The following DAB1 variants were observed in gnomAD, a reference collection of about 807,000 sequenced individuals.
DAB1 encodes DAB adaptor protein 1.
In DAB1, 15 loss-of-function variants were observed where a neutral mutation model predicts 64.6. That is an observed-to-expected ratio of 0.23 (90% CI 0.16 to 0.36). The LOEUF is 0.36. DAB1 is among the 10% of genes least tolerant of loss of function. DAB1 has a pLI of 1.00. For missense variants in DAB1, 596 were observed against 706.7 expected (o/e 0.84, Z 1.78); for synonymous variants, 235 against 251.9 (o/e 0.93, Z 0.64).
At chr1:57,580,214 C>G (rs1306104485) in intron 7 of DAB1, among the ~76,000 whole-genome samples, 1 of 152,138 alleles carries the variant, frequency 6.6e-6, no homozygotes, top group Non-Finnish European at 1.5e-5. Flanking sequence ...AGAAGGAAAA[C>G]TGAGCAGCTT....
intron 9 of DAB1, chr1:57,033,670 T>A: frequency 3.3e-6 from 4 of 1,226,166 alleles, no homozygotes; most frequent in Non-Finnish European, 4.7e-6. Context: ...TGGTTCACAC[T>A]TCCGTGGTCT....
intron 5 of DAB1, among the ~76,000 whole-genome samples, chr1:58,113,566 G>A (rs1293441465): frequency 6.6e-6 from 1 of 152,114 alleles, no homozygotes; most frequent in Non-Finnish European, 1.5e-5. Flanking sequence ...ATGAGTGTGG[G>A]CATGTGTTTG....
intron 4 of DAB1, among the ~76,000 whole-genome samples, chr1:57,075,685 A>G (rs1218760687): frequency 2.0e-5 from 3 of 152,346 alleles, no homozygotes; most frequent in Non-Finnish European, 4.4e-5. Flanking sequence ...ACAATCAAAG[A>G]CAGTTGGAAT....
At chr1:57,038,633 A>G (rs1647313288) in intron 9 of DAB1, among the ~76,000 whole-genome samples, 1 of 152,144 alleles carries the variant, frequency 6.6e-6, no homozygotes, top group Non-Finnish European at 1.5e-5. Flanking sequence ...ATTCAGGAGG[A>G]TCCCAAAGGT....
chr1:57,998,612 CCTTGGT>C (rs1201300219), intron 5 of DAB1, among the ~76,000 whole-genome samples: 6 of 152,142 alleles, frequency 3.9e-5, no homozygotes, highest in Non-Finnish European at 8.8e-5. Context: ...GATCCACCTG[CCTTGGT>C]CTCCCAAAGT....
chr1:57,669,202 GAGAA>G (rs1273575067), intron 6 of DAB1, among the ~76,000 whole-genome samples: 1 of 152,100 alleles, frequency 6.6e-6, no homozygotes, highest in Non-Finnish European at 1.5e-5. Flanking sequence ...AAAAAGTGCT[GAGAA>G]AGAAAGATGA....
chr1:57,778,387 G>A (rs1223978275), intron 6 of DAB1, among the ~76,000 whole-genome samples: 1 of 151,598 alleles, frequency 6.6e-6, no homozygotes, highest in South Asian at 2.1e-4. Flanking sequence ...ACCTCCCTCT[G>A]CTGCAATCCA....
intron 9 of DAB1, among the ~76,000 whole-genome samples, chr1:57,049,030 G>T (rs761714775): frequency 6.6e-6 from 1 of 152,074 alleles, no homozygotes; most frequent in Non-Finnish European, 1.5e-5. Context: ...GTTTTTCAAC[G>T]TTGCAAGAAA....
chr1:57,078,057 G>A (rs1652152804), intron 4 of DAB1, among the ~76,000 whole-genome samples: 1 of 152,130 alleles, frequency 6.6e-6, no homozygotes. Context: ...TCATTACAAA[G>A]GCCTTTCTCT....
At chr1:57,742,047 T>C (rs3118041) in intron 6 of DAB1, among the ~76,000 whole-genome samples, 42,499 of 151,922 alleles carry the variant, frequency 0.28, 6,974 homozygotes, top group East Asian at 0.48. Flanking sequence ...AAGTGGGAAA[T>C]AAAAAGTAGG....
chr1:57,747,783 T>C lies in DAB1; in HGVS notation n.552-98118A>G, dbSNP rs545589775. Among the ~76,000 whole-genome samples, 4 of 114,236 alleles carry C rather than the reference T, an allele frequency of 3.5e-5. No homozygotes were observed. In the South Asian group the frequency reaches 8.9e-4, roughly 25 times the overall value. 74.9% of individuals were successfully genotyped at this position (114,236 alleles called of 152,430 possible). ...AATATCGCGTCACTGCACTCCAGCC[T>C]GGGCGACAGAGGAGGACTCTGTCCA... is the stretch of plus-strand genomic sequence containing the variant. On this transcript the variant is annotated intron_variant and non_coding_transcript_variant, in intron 6 of 20. Transcript: ENST00000485760.
At chr1:58,283,569 G>C (rs1416928277) in intron 4 of DAB1, among the ~76,000 whole-genome samples, 1 of 152,142 alleles carries the variant, frequency 6.6e-6, no homozygotes. Context: ...GTTCAGATCA[G>C]AACTCTGACA....
At chr1:57,905,091 A>C (rs1337778875) in intron 5 of DAB1, among the ~76,000 whole-genome samples, 1 of 152,066 alleles carries the variant, frequency 6.6e-6, no homozygotes. Flanking sequence ...TAACCATACA[A>C]AATAGGTACC....
rs550787366 is a variant in DAB1 at position 57,794,164 on chromosome 1, C to T, written n.551+89835G>A. Among the ~76,000 whole-genome samples, 3 of 152,232 alleles carry T rather than the reference C, an allele frequency of 2.0e-5. No individual in the cohort carries two copies. In the South Asian group the frequency reaches 6.2e-4, roughly 32 times the overall value. ...TGGCTGAATCCTAGTTTCTCCTACC[C>T]GTAGGGACCCAAGATTTGGGTTGCT... is the stretch of plus-strand genomic sequence containing the variant. On this transcript the variant is annotated intron_variant and non_coding_transcript_variant, in intron 6 of 20. Transcript: ENST00000485760.
chr1:57,891,423 G>T (rs535189713), intron 5 of DAB1, among the ~76,000 whole-genome samples: 18 of 152,310 alleles, frequency 1.2e-4, no homozygotes, highest in South Asian at 8.3e-4. Flanking sequence ...GTGTAAATTA[G>T]TTCAACCATT....
Position 58,039,966 on chromosome 1 carries a change from C to CA in DAB1, n.387+110544dup, listed in dbSNP as rs546207614. On this transcript the variant is annotated intron_variant and non_coding_transcript_variant, in intron 5 of 20. Transcript: ENST00000485760. ...AGAGGAACAGTGCTAGCAAAACTAG[C>CA]AAAAAAATATATAAAATTTTACCTA... Among the ~76,000 whole-genome samples the CA allele has an allele frequency of 5.5e-3, 841 of 151,968 alleles. 5 individuals carry two copies. The highest frequency in any genetic ancestry group is 0.019 in the African/African-American group (800 of 41,424).
At chr1:57,105,923 A>G (rs1655097341) in intron 4 of DAB1, among the ~76,000 whole-genome samples, 2 of 152,174 alleles carry the variant, frequency 1.3e-5, no homozygotes, top group East Asian at 1.9e-4. Flanking sequence ...GGGAAACAGC[A>G]TGAACCTGGA....
chr1:58,056,118 T>A (rs1648060978), intron 5 of DAB1: 2 of 1,104,696 alleles, frequency 1.8e-6, no homozygotes, highest in South Asian at 1.2e-5. Context: ...CTTCAGTCTT[T>A]AAGAACTCAG....
chr1:58,232,476 TACACACACACACACACACACACAC>T (rs58863239), intron 4 of DAB1, among the ~76,000 whole-genome samples: 2 of 144,032 alleles, frequency 1.4e-5, no homozygotes, highest in African/African-American at 2.6e-5. Context: ...TCTGAGTGAA[TACACACACACACACACACACACAC>T]ACACACACAC....
Sources: gnomAD v4.1 joint callset for allele counts (sites outside exome capture counted in the v4.1 genomes callset) on GRCh38, gnomAD v4.1.1 for gene constraint, MANE v1.5 for transcripts, NCBI Gene and HGNC (gene_info 2026-07-23, HGNC 2026-07-21) for gene names.